KYNU: variants seen among roughly 807,000 people sequenced by gnomAD.
KYNU encodes kynureninase.
A neutral mutation model predicts 59.2 loss-of-function variants in KYNU; 54 were observed. The ratio of observed to expected loss-of-function variants is 0.91; its 90% CI spans 0.73 to 1.14. The LOEUF (loss-of-function observed/expected upper bound fraction) is 1.14, where lower values mean the gene tolerates loss of function less well. KYNU is among the 50% of genes most tolerant of loss of function. The probability of loss-of-function intolerance (pLI) is 0.00; values close to 1 mark genes in which losing one functional copy is unlikely to be tolerated. For missense variants in KYNU, 567 were observed against 554.4 expected (o/e 1.02, Z -0.23); for synonymous variants, 177 against 192.0 (o/e 0.92, Z 0.65).
chr2:142,985,096 G>A lies in KYNU; in HGVS notation c.742G>A (p.Gly248Ser). The change falls in exon 9 of 14, where the codon GGC (glycine) becomes AGC (serine). Residue 248 changes from glycine (G) to serine (S), a missense_variant. By Grantham distance (56) the Gly-to-Ser change is moderately conservative. Transcript: ENST00000264170. ...TGTTCTTCCCTAGGGTTGTTATGTT[G>A]GCTTTGATCTAGCACATGCAGTTGG... ...KAGQAKGCYVGFDLAHAVGNV... is the reference protein window; with the variant it reads ...KAGQAKGCYVSFDLAHAVGNV... The A allele has an allele frequency of 1.9e-6, 3 of 1,604,898 alleles. No individual in the cohort carries two copies. The highest frequency in any genetic ancestry group is 1.7e-6 in the Non-Finnish European group (2 of 1,172,208).
At chr2:142,911,406 AT>A (rs1405196040) in intron 2 of KYNU, among the ~76,000 whole-genome samples, 1 of 152,042 alleles carries the variant, frequency 6.6e-6, no homozygotes, top group Non-Finnish European at 1.5e-5. Context: ...TTTAATGTTG[AT>A]TTTATATTCT....
chr2:142,992,131 T>C (rs1403136970), intron 10 of KYNU, among the ~76,000 whole-genome samples: 1 of 151,886 alleles, frequency 6.6e-6, no homozygotes, highest in Non-Finnish European at 1.5e-5. Flanking sequence ...CAGGATGTCA[T>C]GATGCAAGTG....
intron 10 of KYNU, among the ~76,000 whole-genome samples, chr2:143,020,270 A>G (rs867056333): frequency 1.3e-5 from 2 of 152,096 alleles, no homozygotes; most frequent in African/African-American, 2.4e-5. Context: ...ATTTATTGCC[A>G]TAAACTTTCC....
chr2:143,026,881 C>A (rs1450133241), intron 10 of KYNU, among the ~76,000 whole-genome samples: 1 of 152,188 alleles, frequency 6.6e-6, no homozygotes, highest in Non-Finnish European at 1.5e-5. Context: ...TACGAAGTTA[C>A]GCCACCAAGC....
chr2:142,904,735 T>A (rs1682225615), intron 2 of KYNU, among the ~76,000 whole-genome samples: 1 of 152,196 alleles, frequency 6.6e-6, no homozygotes, highest in Admixed American at 6.5e-5. Flanking sequence ...GCACCCCTAG[T>A]CATTTTCTGA....
In KYNU at chr2:142,950,689, G is replaced by A. The variant is rs147798503; in HGVS notation, c.374-4121G>A. Among the ~76,000 whole-genome samples, 443 of 152,254 alleles carry A rather than the reference G, an allele frequency of 2.9e-3. 3 individuals carry two copies. Among genetic ancestry groups the A allele is most frequent in the African/African-American group, 0.01 (418 of 41,556 alleles). On this transcript the variant is annotated intron_variant, in intron 4 of 13. Transcript: ENST00000264170. ...ACAGCCAAACCATATGAAGGCTGTTGGTCTTTCTTATTGTTGTGTTCACTG... is the reference window on the plus strand; with the variant it reads ...ACAGCCAAACCATATGAAGGCTGTTAGTCTTTCTTATTGTTGTGTTCACTG...
chr2:142,998,713 A>C (rs1685617690), intron 10 of KYNU, among the ~76,000 whole-genome samples: 1 of 152,104 alleles, frequency 6.6e-6, no homozygotes, highest in Non-Finnish European at 1.5e-5. Flanking sequence ...ATATACTAAA[A>C]AGAATAGCTT....
chr2:143,020,781 C>T (rs352925), intron 10 of KYNU, among the ~76,000 whole-genome samples: 54,048 of 152,014 alleles, frequency 0.36, 10,584 homozygotes, highest in East Asian at 0.52. Flanking sequence ...CATACTTATT[C>T]AAATACTTTT....
At chr2:142,899,094 G>A (rs970187336) in intron 2 of KYNU, among the ~76,000 whole-genome samples, 7 of 152,138 alleles carry the variant, frequency 4.6e-5, no homozygotes, top group African/African-American at 9.7e-5. Context: ...CTGTAACAGC[G>A]GCAAACAGCG....
At position 143,050,859 on chromosome 2, in the gene KYNU, T is replaced by C. The variant is rs1687253688; in HGVS notation, c.*8687T>C. ...CATTGATTTTTTTAAGTAAATGGATTTTTGCACCACTTCAAGAAAGAAACC... is the reference window on the plus strand; with the variant it reads ...CATTGATTTTTTTAAGTAAATGGATCTTTGCACCACTTCAAGAAAGAAACC... On this transcript the variant is annotated 3_prime_UTR_variant, in exon 14 of 14. Coordinates refer to ENST00000264170, the MANE Select transcript of KYNU (RefSeq NM_003937.3). The C allele has an allele frequency of 6.6e-6, 1 of 152,144 alleles. No homozygotes were observed. The highest frequency in any genetic ancestry group is 1.5e-5 in the Non-Finnish European group (1 of 68,030). The allele number at this position is 152,144 out of a possible 1,614,324, so 9.4% of individuals were successfully genotyped here.
intron 10 of KYNU, among the ~76,000 whole-genome samples, chr2:143,018,232 T>G (rs1686316110): frequency 6.6e-6 from 1 of 152,198 alleles, no homozygotes; most frequent in Non-Finnish European, 1.5e-5. Context: ...ATATCCAGAA[T>G]GGTATTTCCT....
chr2:142,885,676 T>C, intron 2 of KYNU, 140 bp downstream of exon 2: 4 of 811,402 alleles, frequency 4.9e-6, no homozygotes, highest in Non-Finnish European at 7.8e-6. Flanking sequence ...AGAAGATCCC[T>C]GGTGCTCTCA....
chr2:142,935,467 T>G (rs1195850146), intron 4 of KYNU, among the ~76,000 whole-genome samples: 1 of 152,050 alleles, frequency 6.6e-6, no homozygotes, highest in Non-Finnish European at 1.5e-5. Context: ...TGGTGATGAA[T>G]TGTATCAGCC....
intron 10 of KYNU, among the ~76,000 whole-genome samples, chr2:142,990,684 C>T (rs1249434798): frequency 6.6e-6 from 1 of 151,862 alleles, no homozygotes; most frequent in African/African-American, 2.4e-5. Flanking sequence ...ATTAGATTCT[C>T]CTAAAATGCA....
chr2:142,953,883 C>G (rs962870895), intron 4 of KYNU: 1 of 152,090 alleles, frequency 6.6e-6, no homozygotes, highest in Non-Finnish European at 1.5e-5. Flanking sequence ...GTGAACTTAT[C>G]CTGGAATCTG....
chr2:143,013,831 G>A (rs1686180319), intron 10 of KYNU, among the ~76,000 whole-genome samples: 1 of 152,172 alleles, frequency 6.6e-6, no homozygotes, highest in African/African-American at 2.4e-5. Flanking sequence ...CGGACCCACA[G>A]CCATCTCCTG....
intron 2 of KYNU, 86 bp from the exon 3 acceptor site, chr2:142,918,523 G>T (rs1369128280): frequency 3.0e-6 from 4 of 1,328,904 alleles, no homozygotes; most frequent in Non-Finnish European, 2.0e-6. Flanking sequence ...AGAGTTGATT[G>T]TATTAATTAT....
At chr2:142,956,050 C>T (rs1039141482) in intron 5 of KYNU, among the ~76,000 whole-genome samples, 153 bp from the exon 6 acceptor site, 1 of 152,086 alleles carries the variant, frequency 6.6e-6, no homozygotes, top group East Asian at 1.9e-4. Context: ...GGAAACATGG[C>T]TAATTGAAAA....
At chr2:142,973,562 T>C (rs1684799211) in intron 8 of KYNU, among the ~76,000 whole-genome samples, 2 of 152,156 alleles carry the variant, frequency 1.3e-5, no homozygotes, top group East Asian at 3.9e-4. Flanking sequence ...TTCAGTGACC[T>C]TTGGGGTGTT....
Sources: gnomAD v4.1 joint callset for allele counts (sites outside exome capture counted in the v4.1 genomes callset) on GRCh38, gnomAD v4.1.1 for gene constraint, MANE v1.5 for transcripts, NCBI Gene and HGNC (gene_info 2026-07-23, HGNC 2026-07-21) for gene names.